Variants in IMPG2 observed in about 807,000 individuals in gnomAD.
IMPG2 encodes the protein interphotoreceptor matrix proteoglycan 2.
Under a neutral mutation model 129.2 loss-of-function variants are expected in IMPG2, and 91 were observed. The observed-to-expected ratio is 0.70, with a 90% confidence interval of 0.59 to 0.84. The LOEUF (loss-of-function observed/expected upper bound fraction) is 0.84, where lower values mean the gene tolerates loss of function less well. Among genes scored for constraint, IMPG2 ranks in the 40% least tolerant of loss-of-function variants. IMPG2 has a pLI of 0.00. For missense variants in IMPG2, 1,430 were observed against 1,461.7 expected (o/e 0.98, Z 0.35); for synonymous variants, 510 against 517.7 (o/e 0.99, Z 0.20).
At chr3:101,270,556 T>C (rs188102040) in intron 7 of IMPG2, among the ~76,000 whole-genome samples, 4 of 152,008 alleles carry the variant, frequency 2.6e-5, no homozygotes, top group Non-Finnish European at 4.4e-5. Context: ...GATGTAAAAA[T>C]AATCAGGTTG....
At chr3:101,302,870 C>T (rs986243339) in intron 3 of IMPG2, among the ~76,000 whole-genome samples, 1 of 152,126 alleles carries the variant, frequency 6.6e-6, no homozygotes, top group Non-Finnish European at 1.5e-5. Flanking sequence ...TTTATACCCT[C>T]GCAAAATTTG....
At chr3:101,272,370 C>T (rs1473637515) in intron 7 of IMPG2, among the ~76,000 whole-genome samples, 1 of 152,082 alleles carries the variant, frequency 6.6e-6, no homozygotes, top group East Asian at 1.9e-4. Context: ...ACAGGGAGTA[C>T]AGAGATAGGC....
At chr3:101,247,841 C>A (rs2107224007) in intron 11 of IMPG2, among the ~76,000 whole-genome samples, 1 of 152,216 alleles carries the variant, frequency 6.6e-6, no homozygotes. Flanking sequence ...CAACTGGAAC[C>A]TTTAAGAAAT....
In IMPG2 at chr3:101,255,988, T is replaced by TA. The variant is rs368338429; in HGVS notation, c.1153+1540dup. 9.1e-3 allele frequency among the ~76,000 whole-genome samples: 1,367 copies of TA among 149,574 alleles called. 24 individuals are homozygous for TA. Among genetic ancestry groups the TA allele is most frequent in the African/African-American group, 0.032 (1,283 of 40,574 alleles). On this transcript the variant is annotated intron_variant, in intron 10 of 18. Coordinates refer to ENST00000193391, the MANE Select transcript of IMPG2 (RefSeq NM_016247.4). ...ACCCTGTCTCAGCAGAGTGTCACAT[T>TA]AAAAAAAACGTTAGTCCAGCAGCCA...
chr3:101,280,800 T>C (rs1706885113), intron 4 of IMPG2, among the ~76,000 whole-genome samples: 1 of 151,876 alleles, frequency 6.6e-6, no homozygotes, highest in African/African-American at 2.4e-5. Context: ...CATACAAAAA[T>C]TAGCCGGGCA....
chr3:101,265,712 A>T (rs1706714916), intron 9 of IMPG2, among the ~76,000 whole-genome samples: 1 of 152,204 alleles, frequency 6.6e-6, no homozygotes, highest in African/African-American at 2.4e-5. Context: ...AATTATATTA[A>T]ACTAAAAAGC....
chr3:101,251,890 G>A lies in IMPG2; in HGVS notation c.1239+1806C>T, dbSNP rs1706547780. On this transcript the variant is annotated intron_variant, in intron 11 of 18. Transcript: ENST00000193391. Reference sequence around the variant, plus strand: ...TGCTAACAATTGGCAAGGGCATGAAGAAAGGGAGGGAAGGAATAAATTAAA... The same window carrying A: ...TGCTAACAATTGGCAAGGGCATGAAAAAAGGGAGGGAAGGAATAAATTAAA... 2.6e-5 allele frequency among the ~76,000 whole-genome samples: 4 copies of A among 152,232 alleles called. No individual in the cohort carries two copies. In the South Asian group the frequency reaches 6.2e-4, roughly 24 times the overall value.
At chr3:101,253,150 T>C (rs1706562412) in intron 11 of IMPG2, among the ~76,000 whole-genome samples, 1 of 152,154 alleles carries the variant, frequency 6.6e-6, no homozygotes, top group South Asian at 2.1e-4. Context: ...CATCCCATGC[T>C]GTTTCTATGC....
intron 12 of IMPG2, among the ~76,000 whole-genome samples, chr3:101,245,451 T>C (rs1706465895): frequency 6.6e-6 from 1 of 152,214 alleles, no homozygotes; most frequent in Non-Finnish European, 1.5e-5. Flanking sequence ...CCTAGTTGAA[T>C]AATCTTCTTT....
chr3:101,263,611 C>T (rs553181352), intron 9 of IMPG2, among the ~76,000 whole-genome samples: 20 of 151,606 alleles, frequency 1.3e-4, no homozygotes, highest in South Asian at 4.2e-4. Context: ...AAAAAGATTT[C>T]GAATAAACAA....
intron 11 of IMPG2, among the ~76,000 whole-genome samples, chr3:101,251,733 C>T (rs1478174151): frequency 6.6e-6 from 1 of 151,942 alleles, no homozygotes; most frequent in Non-Finnish European, 1.5e-5. Flanking sequence ...TTGAATAAAG[C>T]CTTTATTACT....
At chr3:101,245,671 C>T (rs1222531193) in intron 12 of IMPG2, 131 bp downstream of exon 12, 10 of 857,324 alleles carry the variant, frequency 1.2e-5, no homozygotes, top group Non-Finnish European at 2.0e-5. Flanking sequence ...CTCTCACACA[C>T]AATTTTACCA....
intron 4 of IMPG2, among the ~76,000 whole-genome samples, chr3:101,287,051 T>C (rs936622107): frequency 6.6e-6 from 1 of 152,216 alleles, no homozygotes; most frequent in Non-Finnish European, 1.5e-5. Flanking sequence ...AGCACAGATC[T>C]AAATTTTTCC....
intron 10 of IMPG2, among the ~76,000 whole-genome samples, chr3:101,256,203 A>AAGAAAG (rs1706604993): frequency 6.7e-6 from 1 of 150,288 alleles, no homozygotes; most frequent in African/African-American, 2.5e-5. Context: ...GAAAGAAAGA[A>AAGAAAG]AGAAAGAAAG....
intron 2 of IMPG2, among the ~76,000 whole-genome samples, chr3:101,308,064 G>A (rs1270766023): frequency 2.0e-5 from 3 of 152,246 alleles, no homozygotes; most frequent in Non-Finnish European, 4.4e-5. Context: ...TCACACTGAT[G>A]TAAGAGGTGG....
At chr3:101,293,710 T>C (rs953118656) in intron 3 of IMPG2, among the ~76,000 whole-genome samples, 22 of 152,228 alleles carry the variant, frequency 1.4e-4, no homozygotes, top group African/African-American at 4.8e-4. Context: ...TCATCCACAT[T>C]AAAAGTCTGT....
At chr3:101,253,444 A>C (rs1013907041) in intron 11 of IMPG2, among the ~76,000 whole-genome samples, 2 of 152,162 alleles carry the variant, frequency 1.3e-5, no homozygotes, top group Admixed American at 1.3e-4. Flanking sequence ...AGTAGGAACC[A>C]TAAATAAGGT....
chr3:101,229,053 T>A (rs1455929087), intron 17 of IMPG2, among the ~76,000 whole-genome samples, 177 bp from the exon 18 acceptor site: 1 of 151,252 alleles, frequency 6.6e-6, no homozygotes, highest in Non-Finnish European at 1.5e-5. Context: ...CTACATACAC[T>A]ACTCTGGATA....
Position 101,273,682 on chromosome 3 carries a change from C to T in IMPG2, c.727G>A (p.Ala243Thr). The T allele has an allele frequency of 6.2e-7, 1 of 1,614,070 alleles. No individual in the cohort carries two copies. Among genetic ancestry groups the T allele is most frequent in the Non-Finnish European group, 8.5e-7 (1 of 1,179,956 alleles). The change falls in exon 7 of 19, where the codon GCA (alanine) becomes ACA (threonine). Residue 243 changes from alanine (A) to threonine (T), a missense_variant. Coordinates refer to ENST00000193391, the MANE Select transcript of IMPG2 (RefSeq NM_016247.4). Reference protein sequence around the residue: ...EATKPAGEQIAEFSIHLLGKQ... With the variant: ...EATKPAGEQITEFSIHLLGKQ... ...CCCAAAAGGTGGATACTGAATTCTG[C>T]AATCTGTTCACCTGCTGGTTTTGTG... is the stretch of plus-strand genomic sequence containing the variant.
Sources: allele counts gnomAD v4.1 joint callset (sites outside exome capture counted in the v4.1 genomes callset), GRCh38; gene constraint gnomAD v4.1.1; transcripts MANE v1.5; gene names NCBI Gene and HGNC (gene_info 2026-07-23, HGNC 2026-07-21).